CADPS: variants seen among roughly 807,000 people sequenced by gnomAD.
The protein encoded by CADPS is calcium dependent secretion activator.
Under a neutral mutation model 167.3 loss-of-function variants are expected in CADPS, and 57 were observed. That is an observed-to-expected ratio of 0.34 (90% CI 0.28 to 0.42). The LOEUF (loss-of-function observed/expected upper bound fraction) is 0.42, where lower values mean the gene tolerates loss of function less well. Ranked by LOEUF, CADPS falls within the 20% of genes least tolerant of loss-of-function variation. The probability of loss-of-function intolerance (pLI) is 1.00; values close to 1 mark genes in which losing one functional copy is unlikely to be tolerated. For synonymous variants in CADPS, 676 were observed against 635.3 expected (o/e 1.06, Z -0.96); for missense variants, 1,414 against 1,738.1 (o/e 0.81, Z 3.32).
chr3:62,676,858 A>G (rs1239719783), intron 3 of CADPS, among the ~76,000 whole-genome samples: 2 of 152,178 alleles, frequency 1.3e-5, no homozygotes, highest in African/African-American at 4.8e-5. Flanking sequence ...CAACACATGC[A>G]GCCAGCCTGC....
chr3:62,467,939 T>C (rs982681872), intron 24 of CADPS, among the ~76,000 whole-genome samples: 3 of 152,138 alleles, frequency 2.0e-5, no homozygotes, highest in Non-Finnish European at 4.4e-5. Context: ...AAGTATTAGA[T>C]AAGGGTAGAG....
chr3:62,616,651 G>T (rs1409220103), intron 6 of CADPS, among the ~76,000 whole-genome samples: 1 of 152,078 alleles, frequency 6.6e-6, no homozygotes, highest in Non-Finnish European at 1.5e-5. Context: ...ACAGTAACAT[G>T]TATTAAATGT....
chr3:62,640,939 A>AT (rs150485783), intron 6 of CADPS, among the ~76,000 whole-genome samples: 15,663 of 150,056 alleles, frequency 0.1, 976 homozygotes, highest in East Asian at 0.2. Flanking sequence ...TCTTTACATC[A>AT]TTTTTTTTTC....
At chr3:62,598,938 A>C (rs2059296210) in intron 6 of CADPS, among the ~76,000 whole-genome samples, 1 of 152,178 alleles carries the variant, frequency 6.6e-6, no homozygotes, top group Admixed American at 6.5e-5. Flanking sequence ...TACTTCACAG[A>C]GCACTATATC....
intron 3 of CADPS, among the ~76,000 whole-genome samples, chr3:62,705,347 T>C (rs761226885): frequency 5.9e-5 from 9 of 152,132 alleles, no homozygotes; most frequent in Non-Finnish European, 7.3e-5. Flanking sequence ...TCTTCCAGCA[T>C]CTTTCCTCAG....
intron 6 of CADPS, among the ~76,000 whole-genome samples, chr3:62,637,398 T>C (rs536793341): frequency 2.0e-4 from 30 of 152,334 alleles, no homozygotes; most frequent in Admixed American, 5.2e-4. Context: ...TTGAGGATGA[T>C]GATCATTATC....
At chr3:62,454,755 G>C (rs988045854) in intron 26 of CADPS, among the ~76,000 whole-genome samples, 1 of 152,128 alleles carries the variant, frequency 6.6e-6, no homozygotes, top group African/African-American at 2.4e-5. Flanking sequence ...AGGTTTTCCT[G>C]CAAAGCATCC....
intron 1 of CADPS, among the ~76,000 whole-genome samples, chr3:62,872,417 T>A (rs568096728): frequency 7.9e-4 from 121 of 152,206 alleles, no homozygotes; most frequent in Non-Finnish European, 1.5e-3. Flanking sequence ...ATATATATAT[T>A]TTGTTGTTGT....
chr3:62,454,362 G>A (rs925231286), intron 26 of CADPS, among the ~76,000 whole-genome samples: 18 of 152,230 alleles, frequency 1.2e-4, no homozygotes, highest in Non-Finnish European at 1.8e-4. Flanking sequence ...TCTTATTCAC[G>A]TCTTCTAAGG....
intron 20 of CADPS, among the ~76,000 whole-genome samples, chr3:62,491,845 T>C (rs1348014423): frequency 6.6e-6 from 1 of 152,180 alleles, no homozygotes; most frequent in Non-Finnish European, 1.5e-5. Context: ...ACATTCTTCA[T>C]ACTCTGCCCT....
chr3:62,508,280 T>C (rs1210657516), intron 17 of CADPS, among the ~76,000 whole-genome samples: 1 of 152,194 alleles, frequency 6.6e-6, no homozygotes, highest in Non-Finnish European at 1.5e-5. Context: ...CACTGACTAC[T>C]CATTTTTTTT....
chr3:62,834,289 G>A (rs557959427), intron 1 of CADPS, among the ~76,000 whole-genome samples: 153 of 152,204 alleles, frequency 1.0e-3, no homozygotes, highest in African/African-American at 3.4e-3. Context: ...CCATAAGTGG[G>A]ACAAGCTGGT....
intron 28 of CADPS, among the ~76,000 whole-genome samples, chr3:62,423,770 C>T (rs1294054366): frequency 1.3e-5 from 2 of 152,162 alleles, no homozygotes; most frequent in East Asian, 3.9e-4. Flanking sequence ...TATTGGCTCT[C>T]ATTGGCCTCA....
chr3:62,455,119 A>C lies in CADPS; in HGVS notation c.3637-9322T>G, dbSNP rs2058533907. ...CTAGATCCAGGAAGTGTATGTTCTC[A>C]TCTCCCCCCACCCCCCACCCCCTGG... On this transcript the variant is annotated intron_variant, in intron 26 of 29. Transcript: ENST00000383710. The surrounding 1 kb of genome is among the most constrained non-coding windows in gnomAD (Gnocchi z 4.4). Among the ~76,000 whole-genome samples the C allele has an allele frequency of 4.3e-5, 6 of 139,438 alleles. No individual in the cohort carries two copies. The highest frequency in any genetic ancestry group is 5.3e-5 in the African/African-American group (2 of 38,070). The allele number at this position is 139,438 out of a possible 152,430, so 91.5% of individuals were successfully genotyped here. A position where few individuals can be genotyped will look rare whatever the true frequency, so the allele number is the denominator to read the frequency against.
intron 28 of CADPS, among the ~76,000 whole-genome samples, chr3:62,413,911 T>C (rs2049496481): frequency 6.6e-6 from 1 of 152,100 alleles, no homozygotes; most frequent in Admixed American, 6.5e-5. Context: ...AAAAAATCTT[T>C]GTAAGATGAG....
chr3:62,650,929 T>G lies in CADPS; in HGVS notation c.1121A>C (p.His374Pro). Reference sequence around the variant, plus strand: ...GCCCATGTCGATGATGGAAGCATTGTGGCTGCGTTTGAGTTTCTGGAGCTT... The same window carrying G: ...GCCCATGTCGATGATGGAAGCATTGGGGCTGCGTTTGAGTTTCTGGAGCTT... ...EFKLQKLKRS[H>P]NASIIDMGEE... The change falls in exon 5 of 30, where the codon CAC becomes CCC. Residue 374 changes from histidine (H) to proline (P), a missense_variant. His to Pro is a moderately conservative substitution (Grantham distance 77). This residue lies in a region of CADPS where 522 missense variants were observed against 559.5 expected (regional missense o/e 0.93). Coordinates refer to ENST00000383710, the MANE Select transcript of CADPS (RefSeq NM_003716.4). The G allele has an allele frequency of 6.2e-7, 1 of 1,614,102 alleles. No homozygotes were observed. The highest frequency in any genetic ancestry group is 8.5e-7 in the Non-Finnish European group (1 of 1,179,988).
intron 23 of CADPS, 125 bp from the exon 24 acceptor site, chr3:62,474,445 T>C: frequency 1.3e-6 from 1 of 799,980 alleles, no homozygotes; most frequent in East Asian, 2.5e-5. Flanking sequence ...CAACAATGAC[T>C]TCACATGTGT....
rs201778092 is a variant in CADPS, at chr3:62,516,077, C to T, written c.2563G>A (p.Glu855Lys). The part of the protein sequence containing the change: ...AALVNYSRLS[E>K]YAKIEENQKD... ...GCCTTACCTTCGATTTTGGCATACTCTGAGAGCCGAGAATAGTTGACTAAC... is the reference window on the plus strand; with the variant it reads ...GCCTTACCTTCGATTTTGGCATACTTTGAGAGCCGAGAATAGTTGACTAAC... The change falls in exon 16 of 30, where the codon GAG becomes AAG. Residue 855 changes from glutamate to lysine, a missense_variant. Physicochemically the swap from Glu to Lys is moderately conservative, Grantham distance 56 (BLOSUM62 1). This residue lies in a region of CADPS where 529 missense variants were observed against 629.6 expected (regional missense o/e 0.84). Transcript: ENST00000383710. 4.3e-6 allele frequency: 7 copies of T among 1,613,186 alleles called. No homozygotes were observed. Among genetic ancestry groups the T allele is most frequent in the Non-Finnish European group, 5.9e-6 (7 of 1,179,362 alleles).
At chr3:62,727,308 C>T (rs899710416) in intron 3 of CADPS, among the ~76,000 whole-genome samples, 4 of 151,826 alleles carry the variant, frequency 2.6e-5, no homozygotes, top group Admixed American at 6.6e-5. Flanking sequence ...AAATAAAGCT[C>T]ATAGATGTGA....
Sources: allele counts gnomAD v4.1 joint callset (sites outside exome capture counted in the v4.1 genomes callset), GRCh38; gene constraint gnomAD v4.1.1; regional missense constraint gnomAD v4.1.1; non-coding constraint Gnocchi (gnomAD v3.1); transcripts MANE v1.5; gene names NCBI Gene and HGNC (gene_info 2026-07-23, HGNC 2026-07-21).